PCNX4: variants seen among roughly 807,000 people sequenced by gnomAD.
PCNX4 encodes pecanex-like protein 4.
PCNX4 carries 103 observed loss-of-function variants against 107.2 expected under a neutral mutation model. The observed-to-expected ratio is 0.96, with a 90% CI of 0.82 to 1.13. The LOEUF is 1.13. PCNX4 is among the 50% of genes most tolerant of loss of function. PCNX4 has a pLI of 0.00. For missense variants in PCNX4, 1,528 were observed against 1,379.4 expected, an observed-to-expected ratio of 1.11 and a Z score of -1.71; for synonymous variants, 541 against 481.7, an observed-to-expected ratio of 1.12 and a Z score of -1.61.
chr14:60,113,259 A>G (rs1270531782), intron 2 of PCNX4, among the ~76,000 whole-genome samples: 2 of 152,248 alleles, frequency 1.3e-5, no homozygotes, highest in African/African-American at 4.8e-5. Flanking sequence ...TATGTGAGCA[A>G]ACATAAAATG....
Position 60,108,372 on chromosome 14 carries a change from A to G in PCNX4, c.689+45A>G, listed in dbSNP as rs777597440. The stretch of plus-strand genomic sequence containing the variant: ...TTTGTAACTAACTTTGTTTTTAAGT[A>G]TACAGAGTAAGAGAGCTTTCCTTTT... On this transcript the variant is annotated intron_variant, in intron 2 of 10. Coordinates refer to ENST00000406854, the MANE Select transcript of PCNX4 (RefSeq NM_001330177.2). 24 of 1,421,006 alleles carry G rather than the reference A, an allele frequency of 1.7e-5. No individual in the cohort carries two copies. In the South Asian group the frequency reaches 2.1e-4, roughly 12 times the overall value. The allele number at this position is 1,421,006 out of a possible 1,614,324, so 88.0% of individuals were successfully genotyped here. A position where few individuals can be genotyped will look rare whatever the true frequency, so the allele number is the denominator to read the frequency against.
At position 60,125,619 on chromosome 14, in the gene PCNX4, G is replaced by A. The variant is rs557931230; in HGVS notation, c.3081-18G>A. The A allele has an allele frequency of 6.3e-6, 9 of 1,426,986 alleles. No individual in the cohort carries two copies. The highest frequency in any genetic ancestry group is 4.7e-5 in the South Asian group (3 of 64,382). The allele number at this position is 1,426,986 out of a possible 1,614,324, so 88.4% of individuals were successfully genotyped here. On this transcript the variant is annotated intron_variant, in intron 9 of 10. Transcript: ENST00000406854. ...ACAGCAAATATTCTAAAATTCTTCG[G>A]TTCTCCATTTTTTTTAGGTATACTC... is the stretch of plus-strand genomic sequence containing the variant.
rs750336064 is a variant in PCNX4 at position 60,145,203 on chromosome 14, CTTCTAA to C, written c.*10984_*10989del. On this transcript the variant is annotated 3_prime_UTR_variant, in exon 11 of 11. Coordinates refer to ENST00000406854, the MANE Select transcript of PCNX4 (RefSeq NM_001330177.2). The surrounding 1 kb of genome is among the most constrained non-coding windows in gnomAD (Gnocchi z 4.0). ...AAAATTCTAGATGTACACAAAAGTACTTCTAATGAGTTTAGCATCATCTCTGGTTTA... is the reference window on the plus strand; with the variant it reads ...AAAATTCTAGATGTACACAAAAGTACTGAGTTTAGCATCATCTCTGGTTTA... 435 of 451,206 alleles carry C rather than the reference CTTCTAA, an allele frequency of 9.6e-4. 1 individual carries two copies. Among genetic ancestry groups the C allele is most frequent in the Admixed American group, 3.5e-3 (87 of 25,076 alleles). The allele number at this position is 451,206 out of a possible 1,614,324, so 28.0% of individuals were successfully genotyped here.
In PCNX4 at chr14:60,121,207, C is replaced by T. The variant is rs1895947983; in HGVS notation, c.1954C>T (p.Pro652Ser). 1.3e-6 allele frequency: 2 copies of T among 1,528,674 alleles called. No homozygotes were observed. The highest frequency in any genetic ancestry group is 1.8e-5 in the Admixed American group (1 of 56,824). The allele number at this position is 1,528,674 out of a possible 1,614,324, so 94.7% of individuals were successfully genotyped here. A position where few individuals can be genotyped will look rare whatever the true frequency, so the allele number is the denominator to read the frequency against. The change falls in exon 8 of 11, where the codon CCT (proline) becomes TCT (serine). Residue 652 changes from proline (P) to serine (S), a missense_variant. Coordinates refer to ENST00000406854, the MANE Select transcript of PCNX4 (RefSeq NM_001330177.2). ...CTAATTTGTTGTAGGTCTCCTCCTA[C>T]CTGGATCTCATTACTTGGGCCGTTT... ...MAAGSLGLLL[P>S]GSHYLGRFQD...
At chr14:60,116,375 G>A (rs1895849040) in intron 6 of PCNX4, among the ~76,000 whole-genome samples, 1 of 152,102 alleles carries the variant, frequency 6.6e-6, no homozygotes, top group Non-Finnish European at 1.5e-5. Flanking sequence ...TGTTTTCAAG[G>A]TTCATTCATG....
intron 1 of PCNX4, among the ~76,000 whole-genome samples, chr14:60,105,521 T>C (rs1321391731): frequency 1.3e-5 from 2 of 152,202 alleles, no homozygotes; most frequent in Non-Finnish European, 2.9e-5. Context: ...CATCTATATA[T>C]ATAGGTGTGT....
intron 2 of PCNX4, 140 bp from the exon 3 acceptor site, chr14:60,114,560 G>A: frequency 3.1e-6 from 2 of 640,682 alleles, no homozygotes; most frequent in East Asian, 2.8e-5. Flanking sequence ...TGTAAGTTGG[G>A]ACTAAGACTT....
At chr14:60,101,470 A>G (rs1895531315) in intron 1 of PCNX4, among the ~76,000 whole-genome samples, 1 of 152,234 alleles carries the variant, frequency 6.6e-6, no homozygotes, top group African/African-American at 2.4e-5. Context: ...ATAAATTTCC[A>G]CAGATCTATT....
chr14:60,095,232 G>T (rs1407378134), intron 1 of PCNX4, among the ~76,000 whole-genome samples: 2 of 152,164 alleles, frequency 1.3e-5, no homozygotes, highest in Non-Finnish European at 2.9e-5. Flanking sequence ...TATGCCTTTG[G>T]CTCAGTGAAT....
At chr14:60,123,376 T>C (rs1405541378) in intron 8 of PCNX4, among the ~76,000 whole-genome samples, 1 of 152,106 alleles carries the variant, frequency 6.6e-6, no homozygotes, top group Non-Finnish European at 1.5e-5. Context: ...TATTTTCCTT[T>C]GAAACAGGAA....
At chr14:60,119,182 G>A (rs760846503) in intron 7 of PCNX4, among the ~76,000 whole-genome samples, 4 of 152,116 alleles carry the variant, frequency 2.6e-5, no homozygotes, top group African/African-American at 4.8e-5. Flanking sequence ...TAAAAACTTC[G>A]GTCAGTGATC....
chr14:60,137,426 C>G lies in PCNX4; in HGVS notation c.*3205C>G, dbSNP rs1027935636. On this transcript the variant is annotated 3_prime_UTR_variant, in exon 11 of 11. Coordinates refer to ENST00000406854, the MANE Select transcript of PCNX4 (RefSeq NM_001330177.2). ...AAGAAAAACCAGATGCAGTTAGGAT[C>G]TTCTCACTTCCCAAAACTGGATTCA... 2.0e-5 allele frequency: 3 copies of G among 152,252 alleles called. No homozygotes were observed. Among genetic ancestry groups the G allele is most frequent in the African/African-American group, 7.2e-5 (3 of 41,450 alleles). The allele number at this position is 152,252 out of a possible 1,614,324, so 9.4% of individuals were successfully genotyped here.
rs1180451278 is a variant in PCNX4 at position 60,125,618 on chromosome 14, G to T, written c.3081-19G>T. The T allele has an allele frequency of 2.8e-6, 4 of 1,415,706 alleles. No homozygotes were observed. Among genetic ancestry groups the T allele is most frequent in the East Asian group, 2.6e-5 (1 of 37,920 alleles). The allele number at this position is 1,415,706 out of a possible 1,614,324, so 87.7% of individuals were successfully genotyped here. ...GACAGCAAATATTCTAAAATTCTTC[G>T]GTTCTCCATTTTTTTTAGGTATACT... is the stretch of plus-strand genomic sequence containing the variant. On this transcript the variant is annotated intron_variant, in intron 9 of 10. Transcript: ENST00000406854.
At chr14:60,111,326 G>A (rs1268307199) in intron 2 of PCNX4, among the ~76,000 whole-genome samples, 1 of 152,166 alleles carries the variant, frequency 6.6e-6, no homozygotes, top group South Asian at 2.1e-4. Flanking sequence ...AGAGGACAAT[G>A]TAATGCCCAT....
chr14:60,118,730 T>A (rs560235966), intron 7 of PCNX4, 38 bp downstream of exon 7: 1 of 1,512,274 alleles, frequency 6.6e-7, no homozygotes, highest in Non-Finnish European at 8.9e-7. Flanking sequence ...TTCTCACTAA[T>A]GTATTTAAAG....
At chr14:60,100,920 C>T (rs369587508) in intron 1 of PCNX4, among the ~76,000 whole-genome samples, 2 of 152,316 alleles carry the variant, frequency 1.3e-5, no homozygotes, top group African/African-American at 2.4e-5. Context: ...GTTTTCCTTC[C>T]TTCCTTTCCA....
At chr14:60,108,965 T>C (rs1895685046) in intron 2 of PCNX4, 1 of 166,918 alleles carries the variant, frequency 6.0e-6, no homozygotes, top group South Asian at 2.1e-4. Flanking sequence ...CAGCATGTTA[T>C]GGACTGAATA....
chr14:60,125,656 A>G lies in PCNX4; in HGVS notation c.3100A>G (p.Ile1034Val). Residue 1034 changes from isoleucine to valine, a missense_variant, in exon 10 of 11, where the codon ATT (isoleucine) becomes GTT (valine). By Grantham distance (29) the Ile-to-Val change is conservative. Transcript: ENST00000406854. ...TTTTAGGTATACTCTGAAACTAATG[A>G]TTGATAAAGCAAGTTTAGGTCCAAT... ...KAFRYTLKLMIDKASLGPIED... is the reference protein window; with the variant it reads ...KAFRYTLKLMVDKASLGPIED... 6.5e-7 allele frequency: 1 copy of G among 1,537,564 alleles called. No individual in the cohort carries two copies. The highest frequency in any genetic ancestry group is 1.7e-4 in the Middle Eastern group (1 of 5,806).
chr14:60,093,699 G>C (rs913300857), intron 1 of PCNX4, among the ~76,000 whole-genome samples: 3 of 152,144 alleles, frequency 2.0e-5, no homozygotes, highest in Non-Finnish European at 4.4e-5. Context: ...TCTGTTGGGT[G>C]TATACCTGAG....
Sources: gnomAD v4.1 joint callset for allele counts (sites outside exome capture counted in the v4.1 genomes callset) on GRCh38, gnomAD v4.1.1 for gene constraint, Gnocchi (gnomAD v3.1) non-coding constraint, MANE v1.5 for transcripts, NCBI Gene and HGNC (gene_info 2026-07-23, HGNC 2026-07-21) for gene names.